The following ERI3 variants were observed in gnomAD, a reference collection of about 807,000 sequenced individuals.
ERI3 encodes ERI1 exoribonuclease family member 3.
In ERI3, 18 loss-of-function variants were observed where a neutral mutation model predicts 44.4. The ratio of observed to expected loss-of-function variants is 0.41; its 90% confidence interval spans 0.28 to 0.60. The LOEUF (loss-of-function observed/expected upper bound fraction) is 0.60. ERI3 is among the 20% of genes least tolerant of loss of function. The pLI is 0.36. For missense variants in ERI3, 294 were observed against 435.5 expected, an observed-to-expected ratio of 0.68 and a Z score of 2.89; for synonymous variants, 183 against 164.8, an observed-to-expected ratio of 1.11 and a Z score of -0.84.
At chr1:44,282,199 C>T (rs1250459156) in intron 7 of ERI3, among the ~76,000 whole-genome samples, 1 of 152,096 alleles carries the variant, frequency 6.6e-6, no homozygotes, top group East Asian at 1.9e-4. Context: ...GACATTTTGC[C>T]TCTTCTCAGA....
chr1:44,310,261 T>C (rs958307654), intron 5 of ERI3, among the ~76,000 whole-genome samples: 2 of 152,122 alleles, frequency 1.3e-5, no homozygotes, highest in South Asian at 4.1e-4. Flanking sequence ...AAGAAGATAA[T>C]TGAACTAGGA....
At chr1:44,268,686 G>C (rs1360727629) in intron 7 of ERI3, among the ~76,000 whole-genome samples, 5 of 152,246 alleles carry the variant, frequency 3.3e-5, no homozygotes, top group African/African-American at 9.6e-5. Context: ...AGCCAGCACG[G>C]TCACATATGA....
intron 5 of ERI3, among the ~76,000 whole-genome samples, chr1:44,311,184 T>A (rs1180314495): frequency 6.6e-6 from 1 of 151,840 alleles, no homozygotes; most frequent in Non-Finnish European, 1.5e-5. Flanking sequence ...TCCTGCACAG[T>A]GAAAGAGAGA....
chr1:44,347,948 G>A (rs1646817265), intron 2 of ERI3, among the ~76,000 whole-genome samples: 1 of 152,024 alleles, frequency 6.6e-6, no homozygotes, highest in Non-Finnish European at 1.5e-5. Context: ...TTTAAAGCCT[G>A]AGAAACACTG....
intron 6 of ERI3, among the ~76,000 whole-genome samples, chr1:44,300,763 T>C (rs1572221213): frequency 6.6e-6 from 1 of 152,010 alleles, no homozygotes; most frequent in East Asian, 1.9e-4. Context: ...TGTTTGTGAG[T>C]AGGCTAGCCC....
At chr1:44,257,090 G>C (rs575264185) in intron 7 of ERI3, among the ~76,000 whole-genome samples, 1 of 152,030 alleles carries the variant, frequency 6.6e-6, no homozygotes, top group Non-Finnish European at 1.5e-5. Flanking sequence ...TTTCCTCCCC[G>C]GGGTGCTGGG....
chr1:44,259,768 A>G (rs933651348), intron 7 of ERI3, among the ~76,000 whole-genome samples: 6 of 150,926 alleles, frequency 4.0e-5, no homozygotes, highest in African/African-American at 1.5e-4. Context: ...CCTAGTTACT[A>G]GGGAGGCTAA....
chr1:44,262,635 C>T (rs2154320269), intron 7 of ERI3, among the ~76,000 whole-genome samples: 1 of 152,336 alleles, frequency 6.6e-6, no homozygotes, highest in Non-Finnish European at 1.5e-5. Context: ...GGGGATGGCA[C>T]AGGCAGAGGG....
intron 7 of ERI3, among the ~76,000 whole-genome samples, chr1:44,253,777 C>T (rs1408375513): frequency 6.6e-6 from 1 of 152,144 alleles, no homozygotes; most frequent in African/African-American, 2.4e-5. Flanking sequence ...AGAGAGAACA[C>T]AGATAGAAGC....
chr1:44,233,922 T>G (rs1230378640), intron 8 of ERI3, among the ~76,000 whole-genome samples: 2 of 152,168 alleles, frequency 1.3e-5, no homozygotes, highest in African/African-American at 4.8e-5. Flanking sequence ...TCTCTAATGA[T>G]CCCTATGACT....
rs12745347 is a variant in ERI3 at position 44,221,493 on chromosome 1, G to A, written c.*65C>T. ...ACTCTCCCTCTTCCCCTCTGGTGAG[G>A]GAGAGGAGGATTCTGGGCTGGGCCA... On this transcript the variant is annotated 3_prime_UTR_variant, in exon 9 of 9. Transcript: ENST00000372257. This position sits in a 1 kb window ranked among gnomAD's most constrained non-coding sequence, Gnocchi z 5.9. 1.6e-5 allele frequency: 21 copies of A among 1,310,724 alleles called. No individual in the cohort carries two copies. Among genetic ancestry groups the A allele is most frequent in the Non-Finnish European group, 2.2e-5 (20 of 906,118 alleles). 81.2% of individuals were successfully genotyped at this position (1,310,724 alleles called of 1,614,324 possible).
intron 6 of ERI3, among the ~76,000 whole-genome samples, chr1:44,290,060 T>G (rs1349690436): frequency 1.3e-5 from 2 of 152,178 alleles, no homozygotes; most frequent in Admixed American, 6.5e-5. Flanking sequence ...TTTAGCAGAC[T>G]CAAACCTTTG....
At position 44,234,829 on chromosome 1, in the gene ERI3, G is replaced by A. The variant is rs982162328; in HGVS notation, c.931+13110C>T. ...CGTGATCTCAGCTCACTGCATCTCC[G>A]CCTCCCAGGTTCAGCCGATTCCCGT... On this transcript the variant is annotated intron_variant, in intron 8 of 8. Coordinates refer to ENST00000372257, the MANE Select transcript of ERI3 (RefSeq NM_024066.3). 2.6e-5 allele frequency among the ~76,000 whole-genome samples: 4 copies of A among 151,936 alleles called. No individual in the cohort carries two copies. The East Asian group carries it at 7.9e-4, about 30-fold the overall frequency.
chr1:44,276,732 T>C (rs1645187479), intron 7 of ERI3, among the ~76,000 whole-genome samples: 1 of 152,218 alleles, frequency 6.6e-6, no homozygotes, highest in Non-Finnish European at 1.5e-5. Flanking sequence ...CCTGCTATCT[T>C]CTTTTCCCCC....
chr1:44,305,982 C>T (rs577608902), intron 6 of ERI3, among the ~76,000 whole-genome samples: 6 of 152,332 alleles, frequency 3.9e-5, no homozygotes, highest in East Asian at 3.9e-4. Context: ...ATGGCTCTGA[C>T]GAGAGCCATC....
chr1:44,337,796 T>C (rs1646565898), intron 3 of ERI3, among the ~76,000 whole-genome samples: 1 of 152,150 alleles, frequency 6.6e-6, no homozygotes, highest in African/African-American at 2.4e-5. Context: ...CAAACCCAGT[T>C]TATCTTTAAA....
chr1:44,331,238 A>G (rs1453620185), intron 3 of ERI3, among the ~76,000 whole-genome samples: 2 of 151,976 alleles, frequency 1.3e-5, no homozygotes, highest in Non-Finnish European at 2.9e-5. Flanking sequence ...TATCTTTTTG[A>G]AGGGTCTAAA....
At chr1:44,280,911 A>G (rs1453253789) in intron 7 of ERI3, among the ~76,000 whole-genome samples, 1 of 152,188 alleles carries the variant, frequency 6.6e-6, no homozygotes, top group Non-Finnish European at 1.5e-5. Context: ...CACTCAACAC[A>G]TAAGGATTAA....
intron 7 of ERI3, among the ~76,000 whole-genome samples, chr1:44,279,826 G>C (rs553773564): frequency 6.6e-6 from 1 of 152,142 alleles, no homozygotes; most frequent in African/African-American, 2.4e-5. Flanking sequence ...CTTTGAAAAA[G>C]CAAATTTGTC....
Sources: gnomAD v4.1 joint callset for allele counts (sites outside exome capture counted in the v4.1 genomes callset) on GRCh38, gnomAD v4.1.1 for gene constraint, Gnocchi (gnomAD v3.1) non-coding constraint, MANE v1.5 for transcripts, NCBI Gene and HGNC (gene_info 2026-07-23, HGNC 2026-07-21) for gene names.